Variants in ROBO2 observed in about 807,000 individuals in gnomAD.
ROBO2 encodes the protein roundabout homolog 2.
ROBO2 carries 53 observed loss-of-function variants against 160.8 expected under a neutral mutation model. The observed-to-expected ratio is 0.33, with a 90% confidence interval of 0.26 to 0.41. ROBO2 has a LOEUF of 0.41. Among genes scored for constraint, ROBO2 ranks in the 10% least tolerant of loss-of-function variants. The pLI, the probability that ROBO2 is intolerant of heterozygous loss-of-function variation, is 1.00. For synonymous variants in ROBO2, 664 were observed against 611.7 expected (o/e 1.09, Z -1.26); for missense variants, 1,577 against 1,722.4 (o/e 0.92, Z 1.49).
At chr3:76,233,136 T>C (rs1704722955) in intron 2 of ROBO2, among the ~76,000 whole-genome samples, 1 of 152,096 alleles carries the variant, frequency 6.6e-6, no homozygotes. Flanking sequence ...CCAGGTGTTA[T>C]TCTATTTTTT....
intron 2 of ROBO2, among the ~76,000 whole-genome samples, chr3:76,915,978 T>TA (rs1165274488): frequency 6.6e-6 from 1 of 152,120 alleles, no homozygotes; most frequent in East Asian, 1.9e-4. Context: ...ATGCCTCTCT[T>TA]ATAATCATAC....
chr3:77,361,486 G>T (rs147532115), intron 2 of ROBO2, among the ~76,000 whole-genome samples: 1,664 of 152,196 alleles, frequency 0.011, 17 homozygotes, highest in Middle Eastern at 0.017. Flanking sequence ...CTATAAGAAA[G>T]ACCTTAGGCT....
At chr3:76,878,313 G>T (rs1370227249) in intron 2 of ROBO2, among the ~76,000 whole-genome samples, 1 of 152,146 alleles carries the variant, frequency 6.6e-6, no homozygotes, top group Non-Finnish European at 1.5e-5. Context: ...AGCAGCTAAT[G>T]TTAAATGAAA....
intron 2 of ROBO2, among the ~76,000 whole-genome samples, chr3:76,611,693 T>C (rs1252663643): frequency 6.6e-6 from 1 of 151,788 alleles, no homozygotes; most frequent in African/African-American, 2.4e-5. Context: ...TTTGTCGATT[T>C]TATTTATCTT....
intron 13 of ROBO2, among the ~76,000 whole-genome samples, chr3:77,573,646 T>C (rs1315506670): frequency 6.6e-6 from 1 of 151,980 alleles, no homozygotes; most frequent in African/African-American, 2.4e-5. Flanking sequence ...TAATCTGTAT[T>C]ATATGCTTTT....
At chr3:76,405,857 A>G (rs923204939) in intron 2 of ROBO2, among the ~76,000 whole-genome samples, 4 of 151,728 alleles carry the variant, frequency 2.6e-5, no homozygotes, top group Non-Finnish European at 5.9e-5. Context: ...ATATCTGGAA[A>G]ATAATCATGC....
At chr3:77,492,127 T>A (rs372702862) in intron 4 of ROBO2, among the ~76,000 whole-genome samples, 1 of 152,332 alleles carries the variant, frequency 6.6e-6, no homozygotes, top group Non-Finnish European at 1.5e-5. Context: ...TGGCTAAATA[T>A]GTCCAGATGG....
chr3:77,065,726 A>G (rs1273432861), intron 1 of ROBO2, among the ~76,000 whole-genome samples: 1 of 152,152 alleles, frequency 6.6e-6, no homozygotes, highest in Non-Finnish European at 1.5e-5. Context: ...TAGTAATTAG[A>G]AAATTATTGA....
At chr3:77,482,127 A>C (rs1014316789) in intron 4 of ROBO2, among the ~76,000 whole-genome samples, 10 of 152,190 alleles carry the variant, frequency 6.6e-5, no homozygotes, top group Admixed American at 2.6e-4. Flanking sequence ...GTACATGTGT[A>C]TATATACAAT....
intron 2 of ROBO2, among the ~76,000 whole-genome samples, chr3:76,677,566 T>C (rs1230323621): frequency 6.6e-6 from 1 of 152,070 alleles, no homozygotes; most frequent in Non-Finnish European, 1.5e-5. Flanking sequence ...CACTCTACCC[T>C]CAGCAGTCAC....
At chr3:77,577,701 G>C (rs1196819253) in intron 15 of ROBO2, 87 bp downstream of exon 16, 1 of 1,482,054 alleles carries the variant, frequency 6.7e-7, no homozygotes, top group Non-Finnish European at 9.4e-7. Flanking sequence ...ATCTCTAAAG[G>C]TTCTCTTATT....
At chr3:76,878,182 C>A (rs796155437) in intron 2 of ROBO2, among the ~76,000 whole-genome samples, 1 of 137,272 alleles carries the variant, frequency 7.3e-6, no homozygotes, top group Non-Finnish European at 1.6e-5. Context: ...TAATGCATGA[C>A]GTCTTCAAAA....
At chr3:76,024,692 T>G (rs1329211205) in intron 2 of ROBO2, among the ~76,000 whole-genome samples, 5 of 151,652 alleles carry the variant, frequency 3.3e-5, no homozygotes, top group Non-Finnish European at 7.4e-5. Context: ...TAATAATGTT[T>G]AAAATGCATT....
chr3:77,482,199 G>C (rs1162805683), intron 4 of ROBO2, among the ~76,000 whole-genome samples: 1 of 152,000 alleles, frequency 6.6e-6, no homozygotes, highest in Non-Finnish European at 1.5e-5. Context: ...AAATATCATT[G>C]TGATTTTCAA....
At chr3:76,702,774 G>A (rs1281413409) in intron 2 of ROBO2, among the ~76,000 whole-genome samples, 1 of 151,862 alleles carries the variant, frequency 6.6e-6, no homozygotes, top group Non-Finnish European at 1.5e-5. Flanking sequence ...GAAAAGGGAG[G>A]AAGGAGATAA....
chr3:76,499,348 G>C (rs2107620548), intron 2 of ROBO2, among the ~76,000 whole-genome samples: 1 of 152,234 alleles, frequency 6.6e-6, no homozygotes. Flanking sequence ...AATGTGAAGT[G>C]AAAAAATGAT....
intron 2 of ROBO2, among the ~76,000 whole-genome samples, chr3:76,930,178 C>A (rs554502170): frequency 3.9e-5 from 6 of 152,188 alleles, no homozygotes; most frequent in East Asian, 3.9e-4. Flanking sequence ...CACGTGCCCC[C>A]ACGCAGGACT....
At chr3:77,160,557 G>T (rs2078395030) in intron 2 of ROBO2, among the ~76,000 whole-genome samples, 1 of 152,026 alleles carries the variant, frequency 6.6e-6, no homozygotes, top group Non-Finnish European at 1.5e-5. Context: ...AATGAAAAAA[G>T]GAGTCAAGTT....
chr3:76,244,370 T>G (rs1705487859), intron 2 of ROBO2, among the ~76,000 whole-genome samples: 1 of 152,216 alleles, frequency 6.6e-6, no homozygotes, highest in South Asian at 2.1e-4. Flanking sequence ...AAACAGGCAC[T>G]CACTATCTTT....
Sources: allele counts gnomAD v4.1 joint callset (sites outside exome capture counted in the v4.1 genomes callset), GRCh38; gene constraint gnomAD v4.1.1; transcripts MANE v1.5; gene names NCBI Gene and HGNC (gene_info 2026-07-23, HGNC 2026-07-21).